The following TMEM132C variants were observed in gnomAD, a reference collection of about 807,000 sequenced individuals.
TMEM132C encodes the protein protein phosphatase 1, regulatory subunit 152.
In TMEM132C, 29 loss-of-function variants were observed where a neutral mutation model predicts 61.4. The observed-to-expected ratio is 0.47, with a 90% CI of 0.35 to 0.64. The LOEUF is 0.64. TMEM132C is among the 30% of genes least tolerant of loss of function. The probability of loss-of-function intolerance (pLI) is 0.00; values close to 1 mark genes in which losing one functional copy is unlikely to be tolerated. For synonymous variants in TMEM132C, 656 were observed against 633.1 expected (o/e 1.04, Z -0.54); for missense variants, 1,408 against 1,476.9 (o/e 0.95, Z 0.76).
chr12:128,329,835 A>C (rs1872626780), intron 1 of TMEM132C, among the ~76,000 whole-genome samples: 1 of 152,196 alleles, frequency 6.6e-6, no homozygotes, highest in Non-Finnish European at 1.5e-5. Context: ...CAAATTTATA[A>C]AGCCAAATAT....
chr12:128,290,525 A>G (rs1043212093), intron 1 of TMEM132C, among the ~76,000 whole-genome samples: 3 of 152,148 alleles, frequency 2.0e-5, no homozygotes, highest in Non-Finnish European at 4.4e-5. Context: ...GAGCTAAACC[A>G]TATCGGACAC....
chr12:128,321,135 G>GA (rs150141594), intron 1 of TMEM132C, among the ~76,000 whole-genome samples: 1 of 128,078 alleles, frequency 7.8e-6, no homozygotes, highest in Non-Finnish European at 1.6e-5. Flanking sequence ...TGCCATTTTT[G>GA]AAAAATAATA....
intron 1 of TMEM132C, among the ~76,000 whole-genome samples, chr12:128,307,737 G>T (rs996034255): frequency 1.3e-5 from 2 of 152,102 alleles, no homozygotes; most frequent in African/African-American, 4.8e-5. Context: ...TTCTTGTTAT[G>T]TCAGGATTCT....
chr12:128,442,206 T>C (rs976048692), intron 2 of TMEM132C, among the ~76,000 whole-genome samples: 2 of 152,106 alleles, frequency 1.3e-5, no homozygotes, highest in African/African-American at 4.8e-5. Flanking sequence ...ACTTGCTCCC[T>C]CCCCTCCAGA....
chr12:128,471,664 C>A (rs763072871), intron 2 of TMEM132C, among the ~76,000 whole-genome samples: 1 of 152,112 alleles, frequency 6.6e-6, no homozygotes, highest in African/African-American at 2.4e-5. Flanking sequence ...GTAATACAGA[C>A]TTTAATACTT....
chr12:128,493,427 A>G (rs149576529), intron 2 of TMEM132C, among the ~76,000 whole-genome samples: 9,856 of 152,270 alleles, frequency 0.065, 384 homozygotes, highest in Middle Eastern at 0.1. Flanking sequence ...TTGAATCTAT[A>G]AATTACCTTG....
At chr12:128,512,854 CCA>C (rs1194831438) in intron 2 of TMEM132C, among the ~76,000 whole-genome samples, 2 of 152,154 alleles carry the variant, frequency 1.3e-5, no homozygotes, top group African/African-American at 2.4e-5. Flanking sequence ...AAACTTGAAG[CCA>C]CACACACAAA....
intron 2 of TMEM132C, among the ~76,000 whole-genome samples, chr12:128,519,227 T>C (rs1296485915): frequency 1.3e-5 from 2 of 152,206 alleles, no homozygotes; most frequent in African/African-American, 4.8e-5. Flanking sequence ...CTGCAGAGAA[T>C]TCCAGACAAA....
At chr12:128,598,416 A>C (rs1467095825) in intron 3 of TMEM132C, among the ~76,000 whole-genome samples, 1 of 152,122 alleles carries the variant, frequency 6.6e-6, no homozygotes, top group Non-Finnish European at 1.5e-5. Context: ...AGCCAGAGCA[A>C]CAGAGTGAGA....
chr12:128,367,107 C>G (rs1179207201), intron 1 of TMEM132C, among the ~76,000 whole-genome samples: 1 of 152,048 alleles, frequency 6.6e-6, no homozygotes, highest in Non-Finnish European at 1.5e-5. Flanking sequence ...CATGCAAAGG[C>G]CCTGAGGTAG....
chr12:128,485,076 TA>T lies in TMEM132C; in HGVS notation c.975-58876del, dbSNP rs369632131. ...CCCAAGAAACAGGCTTTCACAAAAA[TA>T]AAAATGTCTTCAAAAAGTGTGAGCA... On this transcript the variant is annotated intron_variant, in intron 2 of 8. Transcript: ENST00000435159. Among the ~76,000 whole-genome samples, 656 of 152,266 alleles carry T rather than the reference TA, an allele frequency of 4.3e-3. 5 individuals are homozygous for T. Among genetic ancestry groups the T allele is most frequent in the African/African-American group, 0.015 (631 of 41,550 alleles).
chr12:128,609,898 T>C (rs1383849052), intron 3 of TMEM132C, among the ~76,000 whole-genome samples: 2 of 152,234 alleles, frequency 1.3e-5, no homozygotes, highest in Admixed American at 1.3e-4. Flanking sequence ...TCTAGCTTTG[T>C]AGCCTTCCTT....
intron 1 of TMEM132C, among the ~76,000 whole-genome samples, chr12:128,362,613 A>G (rs1565913021): frequency 1.3e-5 from 2 of 152,210 alleles, no homozygotes; most frequent in South Asian, 2.1e-4. Flanking sequence ...ATCTGCATGT[A>G]ATATCAGTTG....
chr12:128,693,252 G>GGA (rs1488969248), intron 5 of TMEM132C, among the ~76,000 whole-genome samples: 2 of 152,192 alleles, frequency 1.3e-5, no homozygotes, highest in Non-Finnish European at 2.9e-5. Context: ...TTGCATCCTT[G>GGA]GAGGCTGGAT....
intron 3 of TMEM132C, among the ~76,000 whole-genome samples, chr12:128,597,334 C>T (rs1009837063): frequency 1.3e-5 from 2 of 151,924 alleles, no homozygotes; most frequent in African/African-American, 2.4e-5. Context: ...AAAAATTAAC[C>T]GGGTATGGTG....
chr12:128,425,954 C>T (rs773383018), intron 2 of TMEM132C, among the ~76,000 whole-genome samples: 16 of 152,176 alleles, frequency 1.1e-4, no homozygotes, highest in Non-Finnish European at 1.6e-4. Context: ...TGAAGTTCCC[C>T]GTTTGATGTG....
chr12:128,318,757 A>G (rs1254584539), intron 1 of TMEM132C, among the ~76,000 whole-genome samples: 3 of 152,216 alleles, frequency 2.0e-5, no homozygotes, highest in Non-Finnish European at 4.4e-5. Flanking sequence ...CGTTAAAGTG[A>G]TCACGGAGAG....
intron 1 of TMEM132C, among the ~76,000 whole-genome samples, chr12:128,333,946 G>A (rs1872730324): frequency 6.6e-6 from 1 of 150,906 alleles, no homozygotes; most frequent in African/African-American, 2.4e-5. Flanking sequence ...GAGAGTGTGT[G>A]GTGTTGTGTG....
chr12:128,639,367 G>A (rs1483137859), intron 4 of TMEM132C, among the ~76,000 whole-genome samples: 1 of 151,702 alleles, frequency 6.6e-6, no homozygotes, highest in Non-Finnish European at 1.5e-5. Context: ...GATGATGATG[G>A]TGATAATGGT....
Sources: allele counts gnomAD v4.1 joint callset (sites outside exome capture counted in the v4.1 genomes callset), GRCh38; gene constraint gnomAD v4.1.1; transcripts MANE v1.5; gene names NCBI Gene and HGNC (gene_info 2026-07-23, HGNC 2026-07-21).